ATP8A2: variants seen among roughly 807,000 people sequenced by gnomAD.
ATP8A2 encodes phospholipid-transporting ATPase IB.
Under a neutral mutation model 165.6 loss-of-function variants are expected in ATP8A2, and 100 were observed. The ratio of observed to expected loss-of-function variants is 0.60; its 90% confidence interval spans 0.51 to 0.71. The LOEUF is 0.71. ATP8A2 is among the 30% of genes least tolerant of loss of function. ATP8A2 has a pLI of 0.00. For synonymous variants in ATP8A2, 543 were observed against 548.8 expected (o/e 0.99, Z 0.15); for missense variants, 1,227 against 1,479.5 (o/e 0.83, Z 2.80).
At chr13:25,444,472 T>C (rs1178801917) in intron 1 of ATP8A2, among the ~76,000 whole-genome samples, 1 of 152,334 alleles carries the variant, frequency 6.6e-6, no homozygotes, top group East Asian at 1.9e-4. Context: ...AAAAGAGTTT[T>C]CTAAAGTGGC....
At chr13:26,005,431 C>G (rs1416147848) in intron 35 of ATP8A2, among the ~76,000 whole-genome samples, 1 of 151,886 alleles carries the variant, frequency 6.6e-6, no homozygotes, top group African/African-American at 2.4e-5. Context: ...TTTGTAGTCT[C>G]TGTTTCATTT....
intron 1 of ATP8A2, among the ~76,000 whole-genome samples, chr13:25,409,149 C>G (rs2033894510): frequency 6.6e-6 from 1 of 152,182 alleles, no homozygotes; most frequent in African/African-American, 2.4e-5. Flanking sequence ...ACCAGCAGGC[C>G]TGCTTTCATC....
chr13:25,940,856 T>C (rs1362419964), intron 33 of ATP8A2, among the ~76,000 whole-genome samples: 1 of 152,182 alleles, frequency 6.6e-6, no homozygotes, highest in Admixed American at 6.5e-5. Flanking sequence ...CCGTGACCCA[T>C]CGTGCCTGAG....
intron 1 of ATP8A2, among the ~76,000 whole-genome samples, chr13:25,421,306 C>A (rs1306436049): frequency 6.6e-6 from 1 of 152,142 alleles, no homozygotes; most frequent in Admixed American, 6.6e-5. Context: ...CATTTTTAAA[C>A]GTGTTTCTCT....
chr13:25,422,486 C>G (rs1182866084), intron 1 of ATP8A2, among the ~76,000 whole-genome samples: 1 of 152,160 alleles, frequency 6.6e-6, no homozygotes, highest in East Asian at 1.9e-4. Context: ...AACATCCTTG[C>G]CTTCCCTGTT....
At chr13:25,754,262 C>T (rs953372942) in intron 25 of ATP8A2, among the ~76,000 whole-genome samples, 2 of 3,508 alleles carry the variant, frequency 5.7e-4, no homozygotes, top group Non-Finnish European at 0.029. Context: ...AGAAAACTGA[C>T]GAAGAAGAAC....
intron 1 of ATP8A2, among the ~76,000 whole-genome samples, chr13:25,395,358 C>A (rs1013658360): frequency 1.3e-5 from 2 of 152,084 alleles, no homozygotes; most frequent in East Asian, 3.9e-4. Flanking sequence ...TCATCCTCAC[C>A]TTCAGTTCTG....
rs1380848810 is a variant in ATP8A2, at chr13:25,434,494, G to A, written c.77-34483G>A. ...CATCCGAGTAGCTGGGATTACAGGC[G>A]TGTGTCACTACACCTGGCTAATTTT... is the stretch of plus-strand genomic sequence containing the variant. On this transcript the variant is annotated intron_variant, in intron 1 of 36. Coordinates refer to ENST00000381655, the MANE Select transcript of ATP8A2 (RefSeq NM_016529.6). Among the ~76,000 whole-genome samples the A allele has an allele frequency of 5.9e-5, 9 of 151,926 alleles. No homozygotes were observed. The South Asian group carries it at 6.2e-4, about 11-fold the overall frequency.
At chr13:25,404,472 C>T (rs1431916302) in intron 1 of ATP8A2, among the ~76,000 whole-genome samples, 5 of 151,964 alleles carry the variant, frequency 3.3e-5, no homozygotes, top group Admixed American at 6.6e-5. Flanking sequence ...CCTGGTTCAC[C>T]GTGGAGAGTG....
intron 27 of ATP8A2, among the ~76,000 whole-genome samples, chr13:25,792,213 A>G (rs9551224): frequency 0.022 from 3,348 of 152,294 alleles, 121 homozygotes; most frequent in East Asian, 0.17. Flanking sequence ...TATGATCTGT[A>G]TACATTTAGT....
At chr13:25,581,733 G>A (rs932161714) in intron 22 of ATP8A2, 86 bp from the exon 23 acceptor site, 23 of 1,286,904 alleles carry the variant, frequency 1.8e-5, no homozygotes, top group Non-Finnish European at 2.4e-5. Flanking sequence ...TCTCAGAACC[G>A]TTTGATTGCC....
chr13:25,749,371 G>A (rs1181061991), intron 25 of ATP8A2, among the ~76,000 whole-genome samples: 3 of 152,150 alleles, frequency 2.0e-5, no homozygotes, highest in Non-Finnish European at 2.9e-5. Flanking sequence ...AGAGGACCCC[G>A]CCAGGAAGGA....
At chr13:25,772,825 C>T (rs2044654470) in intron 26 of ATP8A2, among the ~76,000 whole-genome samples, 1 of 151,918 alleles carries the variant, frequency 6.6e-6, no homozygotes, top group South Asian at 2.1e-4. Flanking sequence ...TGGATCTCGG[C>T]TCACTGCAGC....
chr13:25,833,201 T>A (rs573612542), intron 28 of ATP8A2, among the ~76,000 whole-genome samples: 46 of 152,142 alleles, frequency 3.0e-4, no homozygotes, highest in East Asian at 2.9e-3. Flanking sequence ...AAAGTCTTAT[T>A]GAACAAATGG....
chr13:25,641,988 C>T (rs1038325708), intron 24 of ATP8A2, among the ~76,000 whole-genome samples: 1 of 152,100 alleles, frequency 6.6e-6, no homozygotes, highest in Non-Finnish European at 1.5e-5. Flanking sequence ...CTGACAGAAA[C>T]AAGAAATGGG....
intron 33 of ATP8A2, among the ~76,000 whole-genome samples, chr13:25,938,599 G>C (rs536379083): frequency 1.3e-5 from 2 of 152,142 alleles, no homozygotes; most frequent in Non-Finnish European, 2.9e-5. Flanking sequence ...AACAGGACAC[G>C]GAATGGATCG....
At chr13:25,658,548 A>C (rs1024642994) in intron 24 of ATP8A2, among the ~76,000 whole-genome samples, 1 of 152,196 alleles carries the variant, frequency 6.6e-6, no homozygotes, top group African/African-American at 2.4e-5. Flanking sequence ...CTGAGGCAGG[A>C]GAATCACTTG....
At chr13:25,672,267 C>T (rs758292148) in intron 24 of ATP8A2, among the ~76,000 whole-genome samples, 18 of 152,080 alleles carry the variant, frequency 1.2e-4, no homozygotes, top group Non-Finnish European at 2.6e-4. Context: ...GTAAAAGATG[C>T]CCAAGGATGT....
At chr13:25,888,917 A>G (rs1241097455) in intron 33 of ATP8A2, among the ~76,000 whole-genome samples, 1 of 152,078 alleles carries the variant, frequency 6.6e-6, no homozygotes, top group East Asian at 1.9e-4. Flanking sequence ...ATTTTATTGA[A>G]ATCACTAGTT....
Sources: allele counts gnomAD v4.1 joint callset (sites outside exome capture counted in the v4.1 genomes callset), GRCh38; gene constraint gnomAD v4.1.1; transcripts MANE v1.5; gene names NCBI Gene and HGNC (gene_info 2026-07-23, HGNC 2026-07-21).